Variants in LRP1B observed in about 807,000 individuals in gnomAD.
The protein encoded by LRP1B is LDL receptor related protein 1B.
A neutral mutation model predicts 556.6 loss-of-function variants in LRP1B; 217 were observed. The observed-to-expected ratio is 0.39, with a 90% confidence interval of 0.35 to 0.44. LRP1B has a LOEUF of 0.44. Ranked by LOEUF, LRP1B falls within the 20% of genes least tolerant of loss-of-function variation. The pLI, the probability that LRP1B is intolerant of heterozygous loss-of-function variation, is 1.00. For synonymous variants in LRP1B, 2,047 were observed against 1,865.8 expected, an observed-to-expected ratio of 1.10 and a Z score of -2.50; for missense variants, 5,053 against 5,620.8, an observed-to-expected ratio of 0.90 and a Z score of 3.23.
intron 35 of LRP1B, among the ~76,000 whole-genome samples, chr2:140,748,125 A>T (rs1688385322): frequency 1.1e-5 from 1 of 94,656 alleles, no homozygotes; most frequent in Non-Finnish European, 2.0e-5. Flanking sequence ...ATATATATAT[A>T]TATATATATA....
Position 141,476,381 on chromosome 2 carries a change from G to A in LRP1B, c.343+4015C>T, listed in dbSNP as rs140063803. Among the ~76,000 whole-genome samples, 1,223 of 152,150 alleles carry A rather than the reference G, an allele frequency of 8.0e-3. 15 individuals are homozygous for A. The highest frequency in any genetic ancestry group is 0.024 in the South Asian group (115 of 4,804). Reference sequence around the variant, plus strand: ...TGTGCATTTCTGTGGAAATTTTCTGGATTGAGAGGCCTTGTATTTTACAGG... The same window carrying A: ...TGTGCATTTCTGTGGAAATTTTCTGAATTGAGAGGCCTTGTATTTTACAGG... On this transcript the variant is annotated intron_variant, in intron 3 of 90. Transcript: ENST00000389484.
chr2:141,895,298 T>C (rs923524026), intron 1 of LRP1B, among the ~76,000 whole-genome samples: 9 of 152,108 alleles, frequency 5.9e-5, no homozygotes, highest in Non-Finnish European at 1.5e-5. Context: ...CTCCATGACA[T>C]AGCAGTCAGG....
chr2:140,748,337 A>G lies in LRP1B; in HGVS notation c.5758+20876T>C, dbSNP rs1688407925. 1.8e-5 allele frequency among the ~76,000 whole-genome samples: 2 copies of G among 108,860 alleles called. 1 individual carries two copies. The highest frequency in any genetic ancestry group is 2.1e-4 in the Admixed American group (2 of 9,320). The allele number at this position is 108,860 out of a possible 152,430, so 71.4% of individuals were successfully genotyped here. A position where few individuals can be genotyped will look rare whatever the true frequency, so the allele number is the denominator to read the frequency against. ...TTCATATATAATATATATTATATTC[A>G]TATATTATATTCATATATAATATAT... On this transcript the variant is annotated intron_variant, in intron 35 of 90. Transcript: ENST00000389484.
At chr2:140,818,809 C>A (rs189334974) in intron 31 of LRP1B, among the ~76,000 whole-genome samples, 3 of 151,918 alleles carry the variant, frequency 2.0e-5, no homozygotes, top group Admixed American at 6.6e-5. Flanking sequence ...TGGTGTCACA[C>A]GCCTGTAGTT....
At chr2:140,675,039 C>T (rs1395609488) in intron 41 of LRP1B, among the ~76,000 whole-genome samples, 1 of 152,180 alleles carries the variant, frequency 6.6e-6, no homozygotes, top group Non-Finnish European at 1.5e-5. Context: ...TATTATTTGG[C>T]TTGTGGCCAC....
In LRP1B at chr2:141,449,321, G is replaced by A. The variant is rs1009827353; in HGVS notation, c.343+31075C>T. ...TTATGACTCTTGAAATTGGCATTTG[G>A]GAAGTTGCATGCAAATGTGAATAAT... On this transcript the variant is annotated intron_variant, in intron 3 of 90. Coordinates refer to ENST00000389484, the MANE Select transcript of LRP1B (RefSeq NM_018557.3). Among the ~76,000 whole-genome samples the A allele has an allele frequency of 4.6e-5, 7 of 152,030 alleles. No individual in the cohort carries two copies. The East Asian group carries it at 1.3e-3, about 29-fold the overall frequency.
At chr2:140,706,513 A>G (rs1335992424) in intron 37 of LRP1B, among the ~76,000 whole-genome samples, 2 of 152,168 alleles carry the variant, frequency 1.3e-5, no homozygotes, top group African/African-American at 4.8e-5. Flanking sequence ...TTTAAAAGGG[A>G]CATTTAAAAG....
intron 1 of LRP1B, among the ~76,000 whole-genome samples, chr2:142,048,466 C>T (rs769679777): frequency 6.6e-6 from 1 of 151,974 alleles, no homozygotes; most frequent in African/African-American, 2.4e-5. Context: ...TCTGAACATT[C>T]TTCTTAAAAG....
intron 68 of LRP1B, among the ~76,000 whole-genome samples, chr2:140,373,861 T>C (rs1683103490): frequency 6.6e-6 from 1 of 152,126 alleles, no homozygotes; most frequent in Non-Finnish European, 1.5e-5. Flanking sequence ...GCTAAGGATA[T>C]GGAATGTGAA....
At chr2:142,023,479 C>T (rs548142853) in intron 1 of LRP1B, among the ~76,000 whole-genome samples, 75 of 152,226 alleles carry the variant, frequency 4.9e-4, no homozygotes, top group African/African-American at 1.7e-3. Flanking sequence ...CATAAGGTTA[C>T]CAAGAGCACA....
intron 18 of LRP1B, among the ~76,000 whole-genome samples, chr2:140,979,222 G>T (rs922264040): frequency 6.6e-6 from 1 of 152,058 alleles, no homozygotes; most frequent in Non-Finnish European, 1.5e-5. Flanking sequence ...CAAGCGATCT[G>T]CTCATCTTGG....
intron 43 of LRP1B, among the ~76,000 whole-genome samples, chr2:140,548,072 A>G (rs769461324): frequency 2.0e-5 from 3 of 152,168 alleles, no homozygotes; most frequent in African/African-American, 7.2e-5. Flanking sequence ...ATTCTAGCCA[A>G]TAAGAGAATT....
chr2:141,154,728 C>CTGAAT, intron 7 of LRP1B, among the ~76,000 whole-genome samples: 1 of 151,932 alleles, frequency 6.6e-6, no homozygotes, highest in Non-Finnish European at 1.5e-5. Context: ...TCCTCTAATT[C>CTGAAT]TGAATTTTCA....
At chr2:140,282,402 A>C (rs527782335) in intron 84 of LRP1B, among the ~76,000 whole-genome samples, 5 of 151,944 alleles carry the variant, frequency 3.3e-5, no homozygotes, top group African/African-American at 1.2e-4. Context: ...GCTTGCACAC[A>C]AACAAGAGGT....
intron 2 of LRP1B, among the ~76,000 whole-genome samples, chr2:141,575,051 A>G (rs931831739): frequency 3.9e-5 from 6 of 152,198 alleles, no homozygotes; most frequent in Non-Finnish European, 7.3e-5. Context: ...TATAGATTCA[A>G]TGCTATTCCC....
At position 140,629,266 on chromosome 2, in the gene LRP1B, C is replaced by T. The variant is rs183652684; in HGVS notation, c.6800-27627G>A. 3.3e-5 allele frequency among the ~76,000 whole-genome samples: 5 copies of T among 150,464 alleles called. No homozygotes were observed. The East Asian group carries it at 9.8e-4, about 30-fold the overall frequency. On this transcript the variant is annotated intron_variant, in intron 41 of 90. Coordinates refer to ENST00000389484, the MANE Select transcript of LRP1B (RefSeq NM_018557.3). ...TATTTTTGGTAAACATGGGGTTTCACCATATTGACTAGGCTGGTCTCAAAC... is the reference window on the plus strand; with the variant it reads ...TATTTTTGGTAAACATGGGGTTTCATCATATTGACTAGGCTGGTCTCAAAC...
chr2:140,360,838 G>T (rs948696824), intron 72 of LRP1B, among the ~76,000 whole-genome samples: 1 of 151,500 alleles, frequency 6.6e-6, no homozygotes, highest in East Asian at 1.9e-4. Flanking sequence ...TCTGTTGCTT[G>T]CTGTTAAGAA....
At chr2:141,158,360 G>A (rs73962834) in intron 7 of LRP1B, among the ~76,000 whole-genome samples, 2,804 of 152,172 alleles carry the variant, frequency 0.018, 78 homozygotes, top group African/African-American at 0.064. Context: ...ATGCCATTTA[G>A]CAATTATTCA....
At chr2:141,030,700 T>C (rs1449417318) in intron 11 of LRP1B, among the ~76,000 whole-genome samples, 1 of 152,100 alleles carries the variant, frequency 6.6e-6, no homozygotes, top group African/African-American at 2.4e-5. Context: ...AATGTCCTAA[T>C]ATCATTACAA....
Sources: allele counts gnomAD v4.1 joint callset (sites outside exome capture counted in the v4.1 genomes callset), GRCh38; gene constraint gnomAD v4.1.1; transcripts MANE v1.5; gene names NCBI Gene and HGNC (gene_info 2026-07-23, HGNC 2026-07-21).